ATXN10: variants seen among roughly 807,000 people sequenced by gnomAD.
ATXN10 encodes ataxin-10.
Under a neutral mutation model 52.9 loss-of-function variants are expected in ATXN10, and 28 were observed. That is an observed-to-expected ratio of 0.53 (90% CI 0.39 to 0.73). ATXN10 has a LOEUF of 0.73. Ranked by LOEUF, ATXN10 falls within the 30% of genes least tolerant of loss-of-function variation. The pLI, the probability that ATXN10 is intolerant of heterozygous loss-of-function variation, is 0.00. For missense variants in ATXN10, 565 were observed against 577.0 expected, an observed-to-expected ratio of 0.98 and a Z score of 0.21; for synonymous variants, 226 against 221.5, an observed-to-expected ratio of 1.02 and a Z score of -0.18.
At chr22:45,755,807 A>G (rs1206400954) in intron 9 of ATXN10, among the ~76,000 whole-genome samples, 3 of 152,194 alleles carry the variant, frequency 2.0e-5, no homozygotes, top group African/African-American at 7.2e-5. Context: ...GCCCTTAAAT[A>G]TATCAGTGCG....
chr22:45,768,732 A>G (rs1313974472), intron 9 of ATXN10, among the ~76,000 whole-genome samples: 1 of 152,206 alleles, frequency 6.6e-6, no homozygotes, highest in African/African-American at 2.4e-5. Flanking sequence ...GATTAAAACT[A>G]TTTAGGAGGC....
intron 5 of ATXN10, among the ~76,000 whole-genome samples, chr22:45,703,752 A>G (rs1311335224): frequency 1.3e-5 from 2 of 152,180 alleles, no homozygotes; most frequent in African/African-American, 2.4e-5. Flanking sequence ...GAGGTATCCC[A>G]CTCCTGAGGA....
intron 7 of ATXN10, among the ~76,000 whole-genome samples, chr22:45,730,357 A>G (rs561843503): frequency 3.3e-5 from 5 of 151,996 alleles, no homozygotes; most frequent in Non-Finnish European, 7.4e-5. Flanking sequence ...AAAAAAAAAA[A>G]AAAAAAGCCA....
intron 9 of ATXN10, among the ~76,000 whole-genome samples, chr22:45,768,128 C>T (rs966185141): frequency 4.6e-5 from 7 of 152,102 alleles, no homozygotes; most frequent in Non-Finnish European, 8.8e-5. Context: ...ATTTCCTACC[C>T]TTATTCACTG....
In ATXN10 at chr22:45,728,308, T is replaced by C. The variant is rs538425677; in HGVS notation, c.729-1117T>C. Among the ~76,000 whole-genome samples the C allele has an allele frequency of 5.1e-4, 78 of 152,322 alleles. No individual in the cohort carries two copies. Among genetic ancestry groups the C allele is most frequent in the African/African-American group, 1.9e-3 (78 of 41,576 alleles). ...ATATATAAATAAGGGAAAACAGAAA[T>C]TCTCTAATACTGTGCTCAACTGAGT... On this transcript the variant is annotated intron_variant, in intron 6 of 11. Coordinates refer to ENST00000252934, the MANE Select transcript of ATXN10 (RefSeq NM_013236.4). This position sits in a 1 kb window ranked among gnomAD's most constrained non-coding sequence, Gnocchi z 4.3.
rs1926481742 is a variant in ATXN10, at chr22:45,763,756, A to G, written c.1173+23218A>G. On this transcript the variant is annotated intron_variant, in intron 9 of 11. Coordinates refer to ENST00000252934, the MANE Select transcript of ATXN10 (RefSeq NM_013236.4). This position sits in a 1 kb window ranked among gnomAD's most constrained non-coding sequence, Gnocchi z 6.9. ...TCTGCTCTTCGCAACCCTAGAATGT[A>G]AGTACAAGGAGGATAGGCAGGGACC... 6.6e-6 allele frequency among the ~76,000 whole-genome samples: 1 copy of G among 152,226 alleles called. No homozygotes were observed. The highest frequency in any genetic ancestry group is 2.4e-5 in the African/African-American group (1 of 41,452).
chr22:45,739,062 T>G (rs1265288023), intron 8 of ATXN10, among the ~76,000 whole-genome samples: 1 of 152,236 alleles, frequency 6.6e-6, no homozygotes, highest in Non-Finnish European at 1.5e-5. Flanking sequence ...TGAAGATTCC[T>G]TCTCAGTAAT....
chr22:45,736,105 G>T (rs1043138141), intron 7 of ATXN10, among the ~76,000 whole-genome samples: 1 of 152,006 alleles, frequency 6.6e-6, no homozygotes, highest in Non-Finnish European at 1.5e-5. Flanking sequence ...GAGACTTCCA[G>T]TTCATCTCTT....
At chr22:45,726,424 C>G (rs967261152) in intron 6 of ATXN10, among the ~76,000 whole-genome samples, 7 of 152,106 alleles carry the variant, frequency 4.6e-5, no homozygotes, top group African/African-American at 1.7e-4. Flanking sequence ...TTCATTTCCT[C>G]TAAATTTTCT....
Position 45,725,244 on chromosome 22 carries a change from G to A in ATXN10, c.729-4181G>A, listed in dbSNP as rs547064073. Among the ~76,000 whole-genome samples the A allele has an allele frequency of 4.9e-4, 75 of 152,132 alleles. No homozygotes were observed. In the South Asian group the frequency reaches 0.015, roughly 31 times the overall value. On this transcript the variant is annotated intron_variant, in intron 6 of 11. Coordinates refer to ENST00000252934, the MANE Select transcript of ATXN10 (RefSeq NM_013236.4). Reference sequence around the variant, plus strand: ...GCATTGAATCTATATATTGCTTTGGGCATATGATCATTTTAATAGTATTGA... The same window carrying A: ...GCATTGAATCTATATATTGCTTTGGACATATGATCATTTTAATAGTATTGA...
At chr22:45,676,126 T>C (rs1922678388) in intron 1 of ATXN10, 1 of 152,268 alleles carries the variant, frequency 6.6e-6, no homozygotes, top group East Asian at 1.9e-4. Flanking sequence ...CTTTTTTTTT[T>C]CCGAGACAGG....
chr22:45,749,654 T>A (rs986410691), intron 9 of ATXN10, among the ~76,000 whole-genome samples: 1 of 151,458 alleles, frequency 6.6e-6, no homozygotes, highest in Admixed American at 6.6e-5. Flanking sequence ...CTTGAGCTCA[T>A]GGGCTCAGGC....
rs997077144 is a variant in ATXN10, at chr22:45,837,051, G to T, written c.1238-5940G>T. On this transcript the variant is annotated intron_variant, in intron 10 of 11. Coordinates refer to ENST00000252934, the MANE Select transcript of ATXN10 (RefSeq NM_013236.4). The surrounding 1 kb of genome is among the most constrained non-coding windows in gnomAD (Gnocchi z 5.8). Reference sequence around the variant, plus strand: ...AGCACACAAATCCCTTGCCTTCATGGGTTTGTTATCTAAAAAGAGTTTTAA... The same window carrying T: ...AGCACACAAATCCCTTGCCTTCATGTGTTTGTTATCTAAAAAGAGTTTTAA... 3.9e-5 allele frequency among the ~76,000 whole-genome samples: 6 copies of T among 152,020 alleles called. No homozygotes were observed. The highest frequency in any genetic ancestry group is 1.5e-4 in the African/African-American group (6 of 41,364).
At position 45,729,530 on chromosome 22, in the gene ATXN10, C is replaced by T; in HGVS notation, c.834C>T (p.Thr278=). ...GGCATGCTGAGTTGATTGCAAGCACCTTTGTGGATCAGTGCAAGACTGTGC... is the reference window on the plus strand; with the variant it reads ...GGCATGCTGAGTTGATTGCAAGCACTTTTGTGGATCAGTGCAAGACTGTGC... ...FLRHAELIAS[T]FVDQCKTVLK... is the part of the protein sequence containing the mutation. Residue 278 remains threonine, a synonymous_variant, in exon 7 of 12, where the codon ACC becomes ACT. Transcript: ENST00000252934. 6.2e-7 allele frequency: 1 copy of T among 1,614,140 alleles called. No individual in the cohort carries two copies. Among genetic ancestry groups the T allele is most frequent in the South Asian group, 1.1e-5 (1 of 91,078 alleles).
intron 9 of ATXN10, chr22:45,793,370 T>A (rs148535903): frequency 8.0e-6 from 2 of 250,454 alleles, no homozygotes; most frequent in African/African-American, 2.2e-5. Flanking sequence ...TGTTCTGTGC[T>A]TTTCTGCTGT....
Position 45,690,382 on chromosome 22 carries a change from A to G in ATXN10, c.308+479A>G, listed in dbSNP as rs549279890. On this transcript the variant is annotated intron_variant, in intron 2 of 11. Transcript: ENST00000252934. This position sits in a 1 kb window ranked among gnomAD's most constrained non-coding sequence, Gnocchi z 4.5. ...GGAGAGGCCCTCTACAGGCCTTGCC[A>G]TTGGAGTCTCTCTGACTAGTGTATA... Among the ~76,000 whole-genome samples the G allele has an allele frequency of 9.8e-4, 149 of 152,122 alleles. No individual in the cohort carries two copies. Among genetic ancestry groups the G allele is most frequent in the African/African-American group, 3.4e-3 (142 of 41,490 alleles).
At chr22:45,832,539 T>C (rs370475211) in intron 10 of ATXN10, among the ~76,000 whole-genome samples, 4 of 152,256 alleles carry the variant, frequency 2.6e-5, no homozygotes, top group East Asian at 1.9e-4. Context: ...GTTTAGGGCC[T>C]GCCTCTGCAA....
At chr22:45,832,457 C>T (rs1297341424) in intron 10 of ATXN10, among the ~76,000 whole-genome samples, 1 of 152,188 alleles carries the variant, frequency 6.6e-6, no homozygotes, top group Non-Finnish European at 1.5e-5. Context: ...GAGGCCTTCC[C>T]TAACTCCCCT....
In ATXN10 at chr22:45,840,742, C is replaced by T. The variant is rs1400502910; in HGVS notation, c.1238-2249C>T. Among the ~76,000 whole-genome samples, 2 of 152,226 alleles carry T rather than the reference C, an allele frequency of 1.3e-5. No individual in the cohort carries two copies. The highest frequency in any genetic ancestry group is 1.3e-4 in the Admixed American group (2 of 15,286). On this transcript the variant is annotated intron_variant, in intron 10 of 11. Coordinates refer to ENST00000252934, the MANE Select transcript of ATXN10 (RefSeq NM_013236.4). The surrounding 1 kb of genome is among the most constrained non-coding windows in gnomAD (Gnocchi z 5.8). ...TTTCTGAGCCAACCACCCCTCTGATCTCAGGAGCTCTGAATGCATTATTGG... is the reference window on the plus strand; with the variant it reads ...TTTCTGAGCCAACCACCCCTCTGATTTCAGGAGCTCTGAATGCATTATTGG...
Sources: gnomAD v4.1 joint callset for allele counts (sites outside exome capture counted in the v4.1 genomes callset) on GRCh38, gnomAD v4.1.1 for gene constraint, Gnocchi (gnomAD v3.1) non-coding constraint, MANE v1.5 for transcripts, NCBI Gene and HGNC (gene_info 2026-07-23, HGNC 2026-07-21) for gene names.